Variants in NKAIN2 observed in about 807,000 individuals in gnomAD.
NKAIN2 encodes the protein sodium/potassium-transporting ATPase subunit beta-1-interacting protein 2.
Under a neutral mutation model 32.6 loss-of-function variants are expected in NKAIN2, and 14 were observed. The observed-to-expected ratio is 0.43, with a 90% confidence interval of 0.28 to 0.67. NKAIN2 has a LOEUF of 0.67. Ranked by LOEUF, NKAIN2 falls within the 30% of genes least tolerant of loss-of-function variation. NKAIN2 has a pLI of 0.17. For synonymous variants in NKAIN2, 80 were observed against 87.2 expected (o/e 0.92, Z 0.46); for missense variants, 198 against 258.3 (o/e 0.77, Z 1.60).
At chr6:124,263,646 A>T (rs975795164) in intron 1 of NKAIN2, among the ~76,000 whole-genome samples, 1 of 152,230 alleles carries the variant, frequency 6.6e-6, no homozygotes, top group East Asian at 1.9e-4. Flanking sequence ...AACAGGCCAG[A>T]TAAGGTCTAA....
At chr6:124,057,226 T>G (rs1013751337) in intron 1 of NKAIN2, among the ~76,000 whole-genome samples, 4 of 152,074 alleles carry the variant, frequency 2.6e-5, no homozygotes, top group African/African-American at 9.7e-5. Flanking sequence ...GCATGCCCAG[T>G]GTTGATAAAT....
chr6:123,849,907 A>C (rs1014194077), intron 1 of NKAIN2, among the ~76,000 whole-genome samples: 4 of 150,826 alleles, frequency 2.7e-5, no homozygotes, highest in African/African-American at 9.8e-5. Context: ...TTTCTTTAAA[A>C]AAATTTTTTT....
chr6:124,059,645 C>A (rs1782833128), intron 1 of NKAIN2, among the ~76,000 whole-genome samples: 1 of 152,134 alleles, frequency 6.6e-6, no homozygotes. Context: ...TGTATTATTG[C>A]CACTCCTTTT....
At position 123,976,372 on chromosome 6, in the gene NKAIN2, CATATATATATATATATAT is replaced by C. The variant is rs60189624; in HGVS notation, c.54+172145_54+172162del. Among the ~76,000 whole-genome samples the C allele has an allele frequency of 1.5e-3, 16 of 10,918 alleles. 1 individual carries two copies. Among genetic ancestry groups the C allele is most frequent in the Middle Eastern group, 0.083 (1 of 12 alleles). The allele number at this position is 10,918 out of a possible 152,430, so 7.2% of individuals were successfully genotyped here. On this transcript the variant is annotated intron_variant, in intron 1 of 6. Coordinates refer to ENST00000368417, the MANE Select transcript of NKAIN2 (RefSeq NM_001040214.3). The stretch of plus-strand genomic sequence containing the variant: ...CCATATATATATATATATATATTCC[CATATATATATATATATAT>C]ATATATATATATATATATATATATA...
intron 3 of NKAIN2, among the ~76,000 whole-genome samples, chr6:124,380,443 T>A (rs572026570): frequency 6.2e-4 from 94 of 152,336 alleles, no homozygotes; most frequent in South Asian, 1.2e-3. Flanking sequence ...ACATAATGTG[T>A]GTCATTTCTG....
At position 124,128,989 on chromosome 6, in the gene NKAIN2, G is replaced by A. The variant is rs116221744; in HGVS notation, c.55-154016G>A. ...TCTGATACACGAGGCTCAGGGTGAGGCCTGAGAATTTGAATATCTAATAAG... is the reference window on the plus strand; with the variant it reads ...TCTGATACACGAGGCTCAGGGTGAGACCTGAGAATTTGAATATCTAATAAG... On this transcript the variant is annotated intron_variant, in intron 1 of 6. Transcript: ENST00000368417. Among the ~76,000 whole-genome samples the A allele has an allele frequency of 7.9e-3, 1,206 of 152,218 alleles. 17 individuals are homozygous for A. The highest frequency in any genetic ancestry group is 0.028 in the African/African-American group (1,164 of 41,520).
intron 3 of NKAIN2, among the ~76,000 whole-genome samples, chr6:124,605,708 G>A (rs563695119): frequency 1.3e-5 from 2 of 152,108 alleles, no homozygotes; most frequent in South Asian, 2.1e-4. Flanking sequence ...ATTTCCCATC[G>A]TAGATGATCT....
chr6:124,316,788 G>C (rs188258377), intron 2 of NKAIN2, among the ~76,000 whole-genome samples: 1 of 152,148 alleles, frequency 6.6e-6, no homozygotes, highest in Admixed American at 6.6e-5. Context: ...GCACCTTCTG[G>C]AACTTGAAGA....
intron 1 of NKAIN2, among the ~76,000 whole-genome samples, chr6:123,866,426 A>G (rs375509148): frequency 5.1e-4 from 78 of 152,188 alleles, no homozygotes; most frequent in African/African-American, 1.8e-3. Flanking sequence ...AGCAAACATA[A>G]TACACTTTTT....
At chr6:124,625,947 T>G (rs1041235213) in intron 3 of NKAIN2, among the ~76,000 whole-genome samples, 2 of 151,444 alleles carry the variant, frequency 1.3e-5, no homozygotes, top group African/African-American at 4.9e-5. Flanking sequence ...TTTTAAAAAT[T>G]TTATTATTAT....
intron 2 of NKAIN2, among the ~76,000 whole-genome samples, chr6:124,348,790 G>A (rs1406968250): frequency 6.6e-6 from 1 of 152,208 alleles, no homozygotes; most frequent in African/African-American, 2.4e-5. Flanking sequence ...GAAGCAGGGC[G>A]AGGCATTGCC....
intron 1 of NKAIN2, among the ~76,000 whole-genome samples, chr6:124,241,357 A>G (rs906126116): frequency 6.6e-5 from 10 of 152,176 alleles, no homozygotes; most frequent in African/African-American, 2.2e-4. Flanking sequence ...CCATCAAGCT[A>G]CCATTGACTT....
chr6:123,856,312 A>G (rs1775552859), intron 1 of NKAIN2, among the ~76,000 whole-genome samples: 1 of 152,190 alleles, frequency 6.6e-6, no homozygotes. Context: ...ACTGTCTCGG[A>G]ATATAGAATA....
intron 1 of NKAIN2, among the ~76,000 whole-genome samples, chr6:124,245,744 T>C (rs1204542118): frequency 6.6e-6 from 1 of 152,118 alleles, no homozygotes; most frequent in Non-Finnish European, 1.5e-5. Context: ...AGTTTGAATC[T>C]AGACTTTGTT....
chr6:124,670,361 G>C (rs895274110), intron 4 of NKAIN2, among the ~76,000 whole-genome samples: 1 of 151,946 alleles, frequency 6.6e-6, no homozygotes, highest in Non-Finnish European at 1.5e-5. Context: ...ATAAACATTG[G>C]AATTTTCAAG....
At chr6:124,189,439 C>T (rs1262573063) in intron 1 of NKAIN2, among the ~76,000 whole-genome samples, 1 of 151,976 alleles carries the variant, frequency 6.6e-6, no homozygotes, top group African/African-American at 2.4e-5. Context: ...GGTGACTCAC[C>T]CCTGTAATCC....
intron 1 of NKAIN2, among the ~76,000 whole-genome samples, chr6:123,840,893 C>T (rs1299651197): frequency 1.3e-5 from 2 of 152,030 alleles, no homozygotes; most frequent in Non-Finnish European, 2.9e-5. Context: ...AAAGTGTAGT[C>T]TAGATAGGAT....
rs532181597 is a variant in NKAIN2 at position 124,089,670 on chromosome 6, C to T, written c.55-193335C>T. 8.0e-4 allele frequency among the ~76,000 whole-genome samples: 121 copies of T among 152,102 alleles called. 1 individual carries two copies. Among genetic ancestry groups the T allele is most frequent in the African/African-American group, 2.7e-3 (113 of 41,544 alleles). The stretch of plus-strand genomic sequence containing the variant: ...TCCCTGAACCCGGGTGCCTACCTCT[C>T]TCCCTTAGAAAGAAGGGATTGTTCA... On this transcript the variant is annotated intron_variant, in intron 1 of 6. Coordinates refer to ENST00000368417, the MANE Select transcript of NKAIN2 (RefSeq NM_001040214.3).
In NKAIN2 at chr6:124,263,139, C is replaced by T. The variant is rs1369107598; in HGVS notation, c.55-19866C>T. 1.3e-5 allele frequency among the ~76,000 whole-genome samples: 2 copies of T among 152,080 alleles called. 1 individual carries two copies. The highest frequency in any genetic ancestry group is 1.3e-4 in the Admixed American group (2 of 15,256). On this transcript the variant is annotated intron_variant, in intron 1 of 6. Transcript: ENST00000368417. Reference sequence around the variant, plus strand: ...TTTATAGTTATAAATACTAAGGCTTCTAGGGTTTAAGTCACTATGATGGCT... The same window carrying T: ...TTTATAGTTATAAATACTAAGGCTTTTAGGGTTTAAGTCACTATGATGGCT...
Sources: gnomAD v4.1 joint callset for allele counts (sites outside exome capture counted in the v4.1 genomes callset) on GRCh38, gnomAD v4.1.1 for gene constraint, MANE v1.5 for transcripts, NCBI Gene and HGNC (gene_info 2026-07-23, HGNC 2026-07-21) for gene names.